AHRR: variants seen among roughly 807,000 people sequenced by gnomAD.
AHRR encodes aryl hydrocarbon receptor repressor.
In AHRR, 28 loss-of-function variants were observed where a neutral mutation model predicts 44.0. The observed-to-expected ratio is 0.64, with a 90% confidence interval of 0.47 to 0.87. The LOEUF (loss-of-function observed/expected upper bound fraction) is 0.87. Among genes scored for constraint, AHRR ranks in the 40% least tolerant of loss-of-function variants. AHRR has a pLI of 0.00. For missense variants in AHRR, 990 were observed against 953.9 expected (o/e 1.04, Z -0.50); for synonymous variants, 434 against 407.0 (o/e 1.07, Z -0.80).
chr5:416,747 T>C (rs1363840767), intron 5 of AHRR, among the ~76,000 whole-genome samples: 2 of 152,220 alleles, frequency 1.3e-5, no homozygotes, highest in African/African-American at 4.8e-5. Context: ...CATCCTTCAC[T>C]GTGGGGTGCC....
chr5:422,503 C>T (rs1416854138), intron 5 of AHRR: 4 of 570,582 alleles, frequency 7.0e-6, no homozygotes, highest in Admixed American at 5.8e-5. Flanking sequence ...ATGTGGGCAC[C>T]ACTTGGCGGG....
At chr5:403,994 T>A in intron 4 of AHRR, 1 of 1,054,652 alleles carries the variant, frequency 9.5e-7, no homozygotes, top group Non-Finnish European at 1.5e-6. Context: ...TTCTTTACAG[T>A]AATTCGAACT....
At chr5:430,326 C>G (rs73038989) in intron 8 of AHRR, among the ~76,000 whole-genome samples, 1 of 152,248 alleles carries the variant, frequency 6.6e-6, no homozygotes, top group South Asian at 2.1e-4. Flanking sequence ...ACGGGCAGCA[C>G]ATCTTCTGTA....
chr5:336,820 T>C (rs535707891), intron 1 of AHRR, among the ~76,000 whole-genome samples: 2 of 152,360 alleles, frequency 1.3e-5, no homozygotes, highest in Admixed American at 1.3e-4. Flanking sequence ...TAGTCAATTT[T>C]AGGTTAATTT....
chr5:421,466 G>A, intron 5 of AHRR: 1 of 506,848 alleles, frequency 2.0e-6, no homozygotes, highest in Non-Finnish European at 3.5e-6. Flanking sequence ...GGCCTCATCT[G>A]GGTGGGGTCC....
intron 3 of AHRR, among the ~76,000 whole-genome samples, chr5:369,263 C>G (rs1168290467): frequency 6.6e-6 from 1 of 152,194 alleles, no homozygotes; most frequent in Non-Finnish European, 1.5e-5. Context: ...TCATCCGCTT[C>G]TCACACTTCC....
intron 3 of AHRR, chr5:367,714 C>A: frequency 1.6e-6 from 1 of 634,378 alleles, no homozygotes; most frequent in Non-Finnish European, 2.9e-6. Context: ...TGCCCCTCTG[C>A]CCTGACACCA....
At chr5:371,961 C>T (rs1210809000) in intron 3 of AHRR, among the ~76,000 whole-genome samples, 1 of 152,218 alleles carries the variant, frequency 6.6e-6, no homozygotes, top group African/African-American at 2.4e-5. Context: ...TCTCATCTGG[C>T]TGCTTGCACC....
intron 2 of AHRR, among the ~76,000 whole-genome samples, chr5:344,696 GTGGGGGGC>G: frequency 5.3e-5 from 1 of 18,860 alleles, no homozygotes; most frequent in African/African-American, 4.5e-4. Context: ...GTGTGAGGCT[GTGGGGGGC>G]TGTGTGTGGG....
At chr5:423,709 G>T in intron 6 of AHRR, 132 bp from the exon 7 acceptor site, 2 of 1,236,820 alleles carry the variant, frequency 1.6e-6, no homozygotes, top group Non-Finnish European at 2.2e-6. Flanking sequence ...GAGGGATGCT[G>T]GGGGCGGGAG....
rs369325424 is a variant in AHRR at position 401,923 on chromosome 5, C to T, written c.352-11421C>T. On this transcript the variant is annotated intron_variant, in intron 4 of 10. Coordinates refer to ENST00000684583, the MANE Select transcript of AHRR (RefSeq NM_001377236.1). The stretch of plus-strand genomic sequence containing the variant: ...GAGGAGTATTCAGCCTTAAAAAGAG[C>T]GGGGCAGCAAAAGAGAAATACGCAG... 6.6e-5 allele frequency among the ~76,000 whole-genome samples: 10 copies of T among 152,220 alleles called. No homozygotes were observed. In the East Asian group the frequency reaches 1.2e-3, roughly 18 times the overall value.
chr5:428,059 A>G, intron 8 of AHRR, 53 bp downstream of exon 8: 5 of 1,550,394 alleles, frequency 3.2e-6, no homozygotes, highest in Admixed American at 3.6e-5. Flanking sequence ...CGGCCCCCAC[A>G]AAACACCTCC....
At chr5:414,215 A>G (rs1030610731) in intron 5 of AHRR, among the ~76,000 whole-genome samples, 1 of 152,068 alleles carries the variant, frequency 6.6e-6, no homozygotes, top group African/African-American at 2.4e-5. Flanking sequence ...GTGAGGTGAG[A>G]TCGAGTCACT....
At chr5:379,744 C>T (rs184389102) in intron 4 of AHRR, among the ~76,000 whole-genome samples, 131 of 152,288 alleles carry the variant, frequency 8.6e-4, no homozygotes, top group Middle Eastern at 3.4e-3. Flanking sequence ...CATGTCCTTT[C>T]TCATATGTAT....
chr5:415,633 A>G (rs2561671), intron 5 of AHRR, among the ~76,000 whole-genome samples: 2,729 of 89,878 alleles, frequency 0.03, 4 homozygotes, highest in Middle Eastern at 0.092. Flanking sequence ...TAGGGGCCGA[A>G]TCTGCCTGGT....
intron 3 of AHRR, among the ~76,000 whole-genome samples, chr5:365,166 A>G (rs1013590726): frequency 2.6e-5 from 4 of 152,170 alleles, no homozygotes; most frequent in African/African-American, 7.2e-5. Flanking sequence ...GTGGACATAC[A>G]TAAAGCAGTA....
At chr5:373,912 C>T (rs371788996) in intron 3 of AHRR, among the ~76,000 whole-genome samples, 1 of 150,736 alleles carries the variant, frequency 6.6e-6, no homozygotes, top group Non-Finnish European at 1.5e-5. Context: ...ACGGCGCCGG[C>T]GGCTGCGGGG....
chr5:419,919 G>A lies in AHRR; in HGVS notation c.442-2810G>A, dbSNP rs115629748. 6.6e-6 allele frequency among the ~76,000 whole-genome samples: 1 copy of A among 152,200 alleles called. No individual in the cohort carries two copies. The highest frequency in any genetic ancestry group is 2.1e-4 in the South Asian group (1 of 4,836). On this transcript the variant is annotated intron_variant, in intron 5 of 10. Coordinates refer to ENST00000684583, the MANE Select transcript of AHRR (RefSeq NM_001377236.1). The surrounding 1 kb of genome is among the most constrained non-coding windows in gnomAD (Gnocchi z 4.4). ...GGATTTTAAGATGTGGAATTGGGAG[G>A]TAGAGTGGTTTAGAATAAGAACTCC...
At chr5:352,514 G>C (rs898724605) in intron 2 of AHRR, among the ~76,000 whole-genome samples, 35 of 129,096 alleles carry the variant, frequency 2.7e-4, no homozygotes, top group African/African-American at 8.9e-4. Context: ...GATGGTCACT[G>C]TGAGGTTAAA....
Sources: allele counts gnomAD v4.1 joint callset (sites outside exome capture counted in the v4.1 genomes callset), GRCh38; gene constraint gnomAD v4.1.1; non-coding constraint Gnocchi (gnomAD v3.1); transcripts MANE v1.5; gene names NCBI Gene and HGNC (gene_info 2026-07-23, HGNC 2026-07-21).